The following LRP1B variants were observed in gnomAD, a reference collection of about 807,000 sequenced individuals.
The protein encoded by LRP1B is LDL receptor related protein 1B, also known as low-density lipoprotein receptor-related protein 1B.
A neutral mutation model predicts 556.6 loss-of-function variants in LRP1B; 217 were observed. The observed-to-expected ratio is 0.39, with a 90% confidence interval of 0.35 to 0.44. The LOEUF (loss-of-function observed/expected upper bound fraction) is 0.44, where lower values mean the gene tolerates loss of function less well. LRP1B is among the 20% of genes least tolerant of loss of function. The pLI, the probability that LRP1B is intolerant of heterozygous loss-of-function variation, is 1.00. For missense variants in LRP1B, 5,053 were observed against 5,620.8 expected, an observed-to-expected ratio of 0.90 and a Z score of 3.23; for synonymous variants, 2,047 against 1,865.8, an observed-to-expected ratio of 1.10 and a Z score of -2.50.
chr2:141,157,126 T>TA (rs1702086882), intron 7 of LRP1B, among the ~76,000 whole-genome samples: 1 of 152,110 alleles, frequency 6.6e-6, no homozygotes, highest in South Asian at 2.1e-4. Flanking sequence ...TTTAAATTTA[T>TA]AAAAAATATG....
At chr2:141,125,857 A>AAAAC (rs901337898) in intron 7 of LRP1B, among the ~76,000 whole-genome samples, 27 of 150,580 alleles carry the variant, frequency 1.8e-4, no homozygotes, top group Admixed American at 6.6e-4. Flanking sequence ...AAAAAAAAAA[A>AAAAC]AAAACAAAAA....
chr2:141,975,809 G>C lies in LRP1B; in HGVS notation c.82+154839C>G, dbSNP rs115103471. 4.5e-3 allele frequency among the ~76,000 whole-genome samples: 691 copies of C among 152,182 alleles called. 9 individuals carry two copies. Among genetic ancestry groups the C allele is most frequent in the African/African-American group, 0.016 (661 of 41,540 alleles). On this transcript the variant is annotated intron_variant, in intron 1 of 90. Coordinates refer to ENST00000389484, the MANE Select transcript of LRP1B (RefSeq NM_018557.3). Reference sequence around the variant, plus strand: ...TAAACAATCTCTGAAGCATTCAACTGCTAAGTCCTTAGTCCAGGGAAACCG... The same window carrying C: ...TAAACAATCTCTGAAGCATTCAACTCCTAAGTCCTTAGTCCAGGGAAACCG...
At chr2:141,916,992 G>A (rs1162895825) in intron 1 of LRP1B, among the ~76,000 whole-genome samples, 1 of 152,088 alleles carries the variant, frequency 6.6e-6, no homozygotes, top group African/African-American at 2.4e-5. Flanking sequence ...GGGTATCTTT[G>A]TATGAATTTG....
At chr2:140,915,433 G>T (rs181025243) in intron 21 of LRP1B, among the ~76,000 whole-genome samples, 1 of 151,992 alleles carries the variant, frequency 6.6e-6, no homozygotes, top group Non-Finnish European at 1.5e-5. Context: ...TGAATCACTT[G>T]AAGTAAGGAG....
At chr2:142,122,789 A>G (rs569448351) in intron 1 of LRP1B, among the ~76,000 whole-genome samples, 15 of 152,174 alleles carry the variant, frequency 9.9e-5, no homozygotes, top group African/African-American at 3.6e-4. Context: ...ATGCCTTAAA[A>G]GTTAATAGAG....
At chr2:141,202,877 C>G (rs1338531690) in intron 6 of LRP1B, among the ~76,000 whole-genome samples, 1 of 152,104 alleles carries the variant, frequency 6.6e-6, no homozygotes, top group African/African-American at 2.4e-5. Flanking sequence ...TATTGCTCCC[C>G]TAACCCCCAC....
rs377388230 is a variant in LRP1B at position 140,854,059 on chromosome 2, A to AT, written c.4580-2277dup. 8.8e-4 allele frequency among the ~76,000 whole-genome samples: 102 copies of AT among 115,448 alleles called. 1 individual carries two copies. The highest frequency in any genetic ancestry group is 6.6e-3 in the South Asian group (26 of 3,910). 75.7% of individuals were successfully genotyped at this position (115,448 alleles called of 152,430 possible). A position where few individuals can be genotyped will look rare whatever the true frequency, so the allele number is the denominator to read the frequency against. ...AAAACTCAAATTCCCCCATATCTGAATAAAAAAAAAAAAAAAAGAAGAAAA... is the reference window on the plus strand; with the variant it reads ...AAAACTCAAATTCCCCCATATCTGAATTAAAAAAAAAAAAAAAAGAAGAAAA... On this transcript the variant is annotated intron_variant, in intron 27 of 90. Coordinates refer to ENST00000389484, the MANE Select transcript of LRP1B (RefSeq NM_018557.3).
chr2:140,939,049 A>C (rs191644280), intron 20 of LRP1B, among the ~76,000 whole-genome samples: 1 of 152,198 alleles, frequency 6.6e-6, no homozygotes. Context: ...TGATATGATT[A>C]GTCTTGTATA....
intron 25 of LRP1B, among the ~76,000 whole-genome samples, chr2:140,874,209 C>T (rs774277105): frequency 2.0e-5 from 3 of 152,074 alleles, no homozygotes; most frequent in Non-Finnish European, 4.4e-5. Flanking sequence ...TATTAAAAAA[C>T]ACACAATAAA....
In LRP1B at chr2:140,442,505, G is replaced by A. The variant is rs754848419; in HGVS notation, c.10413C>T (p.Cys3471=). The A allele has an allele frequency of 1.2e-5, 19 of 1,611,066 alleles. No individual in the cohort carries two copies. Among genetic ancestry groups the A allele is most frequent in the East Asian group, 4.5e-5 (2 of 44,636 alleles). Residue 3471 remains cysteine, a splice_region_variant and synonymous_variant, in exon 66 of 91, where the codon TGC becomes TGT. Transcript: ENST00000389484. ...DCADASDEAN[C]DKKTCGPHEF... ...AGACCCAGAGTCACAGACACTCACC[G>A]CAGTTGGCCTCGTCTGATGCATCTG...
intron 3 of LRP1B, among the ~76,000 whole-genome samples, chr2:141,255,477 T>C (rs1684426128): frequency 6.6e-6 from 1 of 152,012 alleles, no homozygotes; most frequent in Non-Finnish European, 1.5e-5. Flanking sequence ...TAAAATCAAA[T>C]TATAATTAAA....
At position 140,239,451 on chromosome 2, in the gene LRP1B, C is replaced by A. The variant is rs749081076; in HGVS notation, c.13406G>T (p.Arg4469Ile). Reference protein sequence around the residue: ...TLVIGLVLCKRKRRTKTIRRQ... With the variant: ...TLVIGLVLCKIKRRTKTIRRQ... The stretch of plus-strand genomic sequence containing the variant: ...GAACATTGCATCTTACCTTCTTTTT[C>A]TTTTACAAAGCACTAAACCAATTAC... Residue 4469 changes from arginine to isoleucine, a missense_variant, in exon 88 of 91, where the codon AGA becomes ATA. By Grantham distance (97) the Arg-to-Ile change is moderately conservative (BLOSUM62 -3). Transcript: ENST00000389484. 2.5e-6 allele frequency: 4 copies of A among 1,588,732 alleles called. No individual in the cohort carries two copies. The African/African-American group carries it at 4.1e-5, about 16-fold the overall frequency.
intron 59 of LRP1B, among the ~76,000 whole-genome samples, chr2:140,476,965 A>C (rs1423497409): frequency 6.6e-6 from 1 of 152,062 alleles, no homozygotes; most frequent in East Asian, 1.9e-4. Flanking sequence ...CCCTCAAAAA[A>C]TGATGCTATG....
At chr2:141,895,730 A>G (rs1699431976) in intron 1 of LRP1B, among the ~76,000 whole-genome samples, 1 of 152,198 alleles carries the variant, frequency 6.6e-6, no homozygotes, top group South Asian at 2.1e-4. Flanking sequence ...TTGTCCTTAC[A>G]TGTGCAAAAT....
chr2:141,497,535 T>C (rs1683551301), intron 2 of LRP1B, among the ~76,000 whole-genome samples: 1 of 151,982 alleles, frequency 6.6e-6, no homozygotes, highest in Non-Finnish European at 1.5e-5. Context: ...ACCACATTTG[T>C]GTGAAGTGAG....
intron 1 of LRP1B, among the ~76,000 whole-genome samples, chr2:142,093,827 T>C (rs915239089): frequency 2.0e-5 from 3 of 152,064 alleles, no homozygotes; most frequent in Non-Finnish European, 2.9e-5. Flanking sequence ...AATTTAAAAG[T>C]GGCTTTCAAG....
intron 79 of LRP1B, among the ~76,000 whole-genome samples, chr2:140,327,420 ATT>A (rs1680546009): frequency 6.6e-6 from 1 of 152,128 alleles, no homozygotes; most frequent in Non-Finnish European, 1.5e-5. Context: ...GCAAGTGGTC[ATT>A]GTTTTACTGG....
At chr2:141,638,805 A>G (rs1689194636) in intron 2 of LRP1B, among the ~76,000 whole-genome samples, 1 of 101,778 alleles carries the variant, frequency 9.8e-6, no homozygotes, top group African/African-American at 3.3e-5. Context: ...ACATGAAAGC[A>G]TCAGTGGAAG....
chr2:141,627,524 T>C (rs1688745143), intron 2 of LRP1B, among the ~76,000 whole-genome samples: 1 of 152,184 alleles, frequency 6.6e-6, no homozygotes, highest in African/African-American at 2.4e-5. Flanking sequence ...TTCCACCTCC[T>C]GTCAGATCAG....
Sources: allele counts gnomAD v4.1 joint callset (sites outside exome capture counted in the v4.1 genomes callset), GRCh38; gene constraint gnomAD v4.1.1; transcripts MANE v1.5; gene names NCBI Gene and HGNC (gene_info 2026-07-23, HGNC 2026-07-21).